Variants in APBB1IP observed in about 807,000 individuals in gnomAD.
APBB1IP encodes the protein amyloid beta precursor protein binding family B member 1 interacting protein.
APBB1IP carries 27 observed loss-of-function variants against 64.9 expected under a neutral mutation model. The observed-to-expected ratio is 0.42, with a 90% CI of 0.31 to 0.57. The LOEUF (loss-of-function observed/expected upper bound fraction) is 0.57. APBB1IP is among the 20% of genes least tolerant of loss of function. The pLI, the probability that APBB1IP is intolerant of heterozygous loss-of-function variation, is 0.20. For synonymous variants in APBB1IP, 392 were observed against 331.0 expected (o/e 1.18, Z -2.00); for missense variants, 812 against 845.5 (o/e 0.96, Z 0.49).
chr10:26,564,233 A>G (rs1441514902), intron 14 of APBB1IP, among the ~76,000 whole-genome samples: 1 of 152,000 alleles, frequency 6.6e-6, no homozygotes, highest in Non-Finnish European at 1.5e-5. Flanking sequence ...AATTATCACT[A>G]AAACAGAGGG....
chr10:26,546,579 G>A (rs1221337537), intron 11 of APBB1IP, among the ~76,000 whole-genome samples: 3 of 152,084 alleles, frequency 2.0e-5, no homozygotes, highest in Non-Finnish European at 2.9e-5. Context: ...AATATACAAT[G>A]CATTATTGTT....
At chr10:26,477,302 T>C (rs182289903) in intron 2 of APBB1IP, among the ~76,000 whole-genome samples, 3 of 152,350 alleles carry the variant, frequency 2.0e-5, no homozygotes, top group East Asian at 3.9e-4. Flanking sequence ...GTTAAAGCCA[T>C]GTCCACCAGA....
intron 8 of APBB1IP, among the ~76,000 whole-genome samples, chr10:26,526,126 T>A (rs1836470353): frequency 6.6e-6 from 1 of 152,192 alleles, no homozygotes; most frequent in South Asian, 2.1e-4. Flanking sequence ...CCCTGTCACC[T>A]GAAACCAAAA....
chr10:26,537,941 A>T (rs2132466792), intron 10 of APBB1IP, among the ~76,000 whole-genome samples: 1 of 152,128 alleles, frequency 6.6e-6, no homozygotes, highest in African/African-American at 2.4e-5. Context: ...CTCAAAAAAA[A>T]AAAAAAAAAA....
chr10:26,480,322 T>A (rs540244028), intron 2 of APBB1IP, among the ~76,000 whole-genome samples: 1 of 152,276 alleles, frequency 6.6e-6, no homozygotes, highest in East Asian at 1.9e-4. Context: ...TGTTGTGTGC[T>A]GCTGCTGGGG....
At chr10:26,532,271 TG>T (rs775328898) in intron 8 of APBB1IP, among the ~76,000 whole-genome samples, 15 of 152,194 alleles carry the variant, frequency 9.9e-5, no homozygotes, top group Non-Finnish European at 1.8e-4. Flanking sequence ...TCTATGACAG[TG>T]GTCACTCATT....
At chr10:26,476,086 T>A (rs1168623673) in intron 2 of APBB1IP, among the ~76,000 whole-genome samples, 5 of 140,544 alleles carry the variant, frequency 3.6e-5, no homozygotes, top group Non-Finnish European at 6.1e-5. Flanking sequence ...TTTGAGAGAG[T>A]CTCCCTCTGT....
intron 2 of APBB1IP, among the ~76,000 whole-genome samples, chr10:26,476,862 G>A (rs767660823): frequency 2.6e-5 from 4 of 152,048 alleles, no homozygotes; most frequent in Non-Finnish European, 5.9e-5. Context: ...GTACAATGGC[G>A]TGATCTCAGC....
At chr10:26,472,934 C>A (rs1228224367) in intron 2 of APBB1IP, among the ~76,000 whole-genome samples, 86 of 149,010 alleles carry the variant, frequency 5.8e-4, no homozygotes, top group African/African-American at 1.1e-3. Flanking sequence ...GAGACTTCAT[C>A]AAAAACAAAA....
In APBB1IP at chr10:26,541,597, G is replaced by T; in HGVS notation, c.1060G>T (p.Ala354Ser). 1 of 1,609,796 alleles carries T rather than the reference G, an allele frequency of 6.2e-7. No homozygotes were observed. The highest frequency in any genetic ancestry group is 8.5e-7 in the Non-Finnish European group (1 of 1,178,472). Reference protein sequence around the residue: ...KGKTKTSRDLACFIQFENVNI... With the variant: ...KGKTKTSRDLSCFIQFENVNI... The stretch of plus-strand genomic sequence containing the variant: ...TGTCTTTCAGACATCTCGAGATCTG[G>T]CGTGTTTTATACAGTTTGAAAATGT... Residue 354 changes from alanine to serine, a missense_variant, in exon 11 of 15, where the codon GCG becomes TCG. By Grantham distance (99) the Ala-to-Ser change is moderately conservative. Around this residue, in one of 3 missense-constraint regions of APBB1IP, gnomAD observed 394 missense variants for 413.1 expected, o/e 0.95. Transcript: ENST00000376236.
chr10:26,492,404 C>A lies in APBB1IP; in HGVS notation c.72+6C>A. 2.5e-6 allele frequency: 4 copies of A among 1,613,520 alleles called. No individual in the cohort carries two copies. Among genetic ancestry groups the A allele is most frequent in the Non-Finnish European group, 3.4e-6 (4 of 1,179,682 alleles). ...AGATGGATCTTCTGACTCAGGTAAACTTCCCTTTTTAACTGGCAAATTGGA... is the reference window on the plus strand; with the variant it reads ...AGATGGATCTTCTGACTCAGGTAAAATTCCCTTTTTAACTGGCAAATTGGA... On this transcript the variant is annotated splice_donor_region_variant and intron_variant, in intron 3 of 14. Coordinates refer to ENST00000376236, the MANE Select transcript of APBB1IP (RefSeq NM_019043.4).
intron 6 of APBB1IP, among the ~76,000 whole-genome samples, chr10:26,506,248 T>TGGG (rs1264191856): frequency 6.5e-5 from 2 of 30,882 alleles, no homozygotes; most frequent in African/African-American, 1.8e-4. Context: ...ACCGTGTGTG[T>TGGG]GTGGGGGGGG....
intron 8 of APBB1IP, among the ~76,000 whole-genome samples, chr10:26,527,685 CTT>C (rs768509910): frequency 4.2e-3 from 290 of 68,648 alleles, no homozygotes; most frequent in African/African-American, 0.016. Context: ...AGGTCCATGT[CTT>C]TTTTTTTTTT....
At position 26,453,834 on chromosome 10, in the gene APBB1IP, T is replaced by A. The variant is rs976430923; in HGVS notation, c.-1+14981T>A. On this transcript the variant is annotated intron_variant, in intron 2 of 14. Transcript: ENST00000376236. ...ATTTCCTTGAAAAACGATAAATAGA[T>A]CTACCATATGATCTAGCAATCCCAC... 3.3e-5 allele frequency among the ~76,000 whole-genome samples: 5 copies of A among 152,166 alleles called. No homozygotes were observed. In the East Asian group the frequency reaches 7.7e-4, roughly 23 times the overall value.
At chr10:26,534,420 A>G (rs937309306) in intron 9 of APBB1IP, among the ~76,000 whole-genome samples, 2 of 152,118 alleles carry the variant, frequency 1.3e-5, no homozygotes, top group African/African-American at 4.8e-5. Flanking sequence ...TCCCTGAGAC[A>G]ATCCATGGAC....
At chr10:26,461,262 T>G (rs1333076750) in intron 2 of APBB1IP, among the ~76,000 whole-genome samples, 1 of 152,180 alleles carries the variant, frequency 6.6e-6, no homozygotes, top group African/African-American at 2.4e-5. Flanking sequence ...CTTTTATGCA[T>G]AGATTCATAA....
At chr10:26,506,993 G>T (rs787034) in intron 6 of APBB1IP, among the ~76,000 whole-genome samples, 1 of 151,994 alleles carries the variant, frequency 6.6e-6, no homozygotes, top group Non-Finnish European at 1.5e-5. Flanking sequence ...GGGCATTCCC[G>T]GCAGAGGGAA....
chr10:26,474,105 T>G (rs900827463), intron 2 of APBB1IP, among the ~76,000 whole-genome samples: 7 of 152,080 alleles, frequency 4.6e-5, no homozygotes, highest in African/African-American at 1.4e-4. Context: ...TCCAGCAATT[T>G]GTGGATTTAT....
intron 2 of APBB1IP, among the ~76,000 whole-genome samples, chr10:26,489,343 A>C (rs1023507189): frequency 6.6e-6 from 1 of 152,204 alleles, no homozygotes; most frequent in African/African-American, 2.4e-5. Context: ...GAGGGTGATA[A>C]GGTTATGTAG....
Sources: allele counts gnomAD v4.1 joint callset (sites outside exome capture counted in the v4.1 genomes callset), GRCh38; gene constraint gnomAD v4.1.1; regional missense constraint gnomAD v4.1.1; transcripts MANE v1.5; gene names NCBI Gene and HGNC (gene_info 2026-07-23, HGNC 2026-07-21).